CPNE4: variants seen among roughly 807,000 people sequenced by gnomAD.
The protein encoded by CPNE4 is copine-4.
A neutral mutation model predicts 67.9 loss-of-function variants in CPNE4; 25 were observed. The ratio of observed to expected loss-of-function variants is 0.37; its 90% CI spans 0.27 to 0.51. The LOEUF (loss-of-function observed/expected upper bound fraction) is 0.51, where lower values mean the gene tolerates loss of function less well. Ranked by LOEUF, CPNE4 falls within the 20% of genes least tolerant of loss-of-function variation. CPNE4 has a pLI of 0.93. For synonymous variants in CPNE4, 242 were observed against 244.9 expected (o/e 0.99, Z 0.11); for missense variants, 464 against 690.8 (o/e 0.67, Z 3.68).
chr3:131,802,000 T>C (rs962517546), intron 2 of CPNE4, among the ~76,000 whole-genome samples: 1 of 151,106 alleles, frequency 6.6e-6, no homozygotes, highest in Non-Finnish European at 1.5e-5. Flanking sequence ...GTGGGGGAAG[T>C]TCAGGGGAAA....
chr3:131,872,391 T>C (rs2087254020), intron 2 of CPNE4, among the ~76,000 whole-genome samples: 1 of 152,090 alleles, frequency 6.6e-6, no homozygotes, highest in Non-Finnish European at 1.5e-5. Context: ...GGACTCAATG[T>C]TTCAGTTCAA....
intron 2 of CPNE4, among the ~76,000 whole-genome samples, chr3:131,809,746 A>G: frequency 6.6e-6 from 1 of 152,168 alleles, no homozygotes. Flanking sequence ...CTGATAGGTT[A>G]TTGTAGAGAT....
At chr3:131,958,100 T>G (rs2072030539) in intron 1 of CPNE4, among the ~76,000 whole-genome samples, 1 of 152,222 alleles carries the variant, frequency 6.6e-6, no homozygotes, top group African/African-American at 2.4e-5. Context: ...GTCCTGGCAG[T>G]GTAATGTAAT....
chr3:131,800,167 T>C (rs1351738228), intron 2 of CPNE4, among the ~76,000 whole-genome samples: 1 of 152,098 alleles, frequency 6.6e-6, no homozygotes, highest in Non-Finnish European at 1.5e-5. Flanking sequence ...TCTCAGTGTT[T>C]ATTGTTGCCA....
intron 5 of CPNE4, among the ~76,000 whole-genome samples, chr3:131,689,775 C>T (rs1560120191): frequency 6.6e-6 from 1 of 152,156 alleles, no homozygotes; most frequent in Non-Finnish European, 1.5e-5. Context: ...GTCAAATTGT[C>T]TCTCTTTGCC....
chr3:131,965,359 A>C lies in CPNE4; in HGVS notation c.-1-59915T>G, dbSNP rs559226855. On this transcript the variant is annotated intron_variant, in intron 1 of 15. Transcript: ENST00000429747. ...AGCTAGTATCATGATGACAAGATCA[A>C]ATTCACACATAACAATATTAACCTT... Among the ~76,000 whole-genome samples, 19 of 152,352 alleles carry C rather than the reference A, an allele frequency of 1.2e-4. No homozygotes were observed. The South Asian group carries it at 3.9e-3, about 32-fold the overall frequency.
intron 6 of CPNE4, among the ~76,000 whole-genome samples, chr3:131,684,958 A>T (rs941744720): frequency 6.6e-6 from 1 of 152,168 alleles, no homozygotes; most frequent in Non-Finnish European, 1.5e-5. Flanking sequence ...ATACAACTAG[A>T]CTAAGTGGCT....
intron 7 of CPNE4, among the ~76,000 whole-genome samples, chr3:131,616,814 TGA>T (rs1325971905): frequency 6.6e-6 from 1 of 151,868 alleles, no homozygotes; most frequent in East Asian, 1.9e-4. Context: ...AGGTATAGAG[TGA>T]GAGTCAAAGA....
intron 7 of CPNE4, among the ~76,000 whole-genome samples, chr3:131,620,136 C>T (rs1242109288): frequency 6.6e-6 from 1 of 152,164 alleles, no homozygotes; most frequent in Non-Finnish European, 1.5e-5. Flanking sequence ...TAGTGTGCTG[C>T]TCTGGTTGCA....
chr3:131,544,701 GA>G (rs1217866225), intron 14 of CPNE4, among the ~76,000 whole-genome samples: 1 of 152,182 alleles, frequency 6.6e-6, no homozygotes, highest in Non-Finnish European at 1.5e-5. Context: ...GTGGTTTGGG[GA>G]TGGAGGGAAG....
chr3:131,702,851 T>C (rs1181298906), intron 3 of CPNE4, among the ~76,000 whole-genome samples: 1 of 152,240 alleles, frequency 6.6e-6, no homozygotes, highest in Non-Finnish European at 1.5e-5. Context: ...TTTTGCCTTT[T>C]GCAAATGCTA....
intron 7 of CPNE4, among the ~76,000 whole-genome samples, chr3:131,645,611 A>G (rs1301029726): frequency 6.6e-6 from 1 of 152,222 alleles, no homozygotes; most frequent in African/African-American, 2.4e-5. Context: ...AGTTTCAAAT[A>G]CAGAGTTTTG....
At chr3:131,650,744 C>CAAAAAAAAAAAAAAAAAAA (rs141219633) in intron 7 of CPNE4, among the ~76,000 whole-genome samples, 4 of 61,196 alleles carry the variant, frequency 6.5e-5, no homozygotes, top group Admixed American at 2.7e-4. Context: ...GACTCCGTCT[C>CAAAAAAAAAAAAAAAAAAA]AAAAAAAAAA....
intron 7 of CPNE4, among the ~76,000 whole-genome samples, chr3:131,659,921 G>A (rs934092708): frequency 1.3e-5 from 2 of 152,130 alleles, no homozygotes; most frequent in African/African-American, 2.4e-5. Context: ...CAAGGAGCAG[G>A]TTCAAAGTCA....
At chr3:131,948,167 C>T (rs1437923133) in intron 1 of CPNE4, among the ~76,000 whole-genome samples, 1 of 151,904 alleles carries the variant, frequency 6.6e-6, no homozygotes, top group Non-Finnish European at 1.5e-5. Flanking sequence ...CTCTGTGTCC[C>T]CACCCAGATC....
chr3:131,900,927 A>G (rs980648823), intron 2 of CPNE4, among the ~76,000 whole-genome samples: 3 of 152,136 alleles, frequency 2.0e-5, no homozygotes, highest in African/African-American at 7.2e-5. Flanking sequence ...AGAATTACTT[A>G]GAGCTTCCAA....
intron 1 of CPNE4, among the ~76,000 whole-genome samples, chr3:132,019,668 A>T (rs2107687338): frequency 1.3e-5 from 2 of 152,340 alleles, no homozygotes; most frequent in South Asian, 4.1e-4. Context: ...TGACCCAATG[A>T]TGCCACTTTA....
chr3:131,868,850 T>C (rs1451555233), intron 2 of CPNE4, among the ~76,000 whole-genome samples: 4 of 152,156 alleles, frequency 2.6e-5, no homozygotes, highest in African/African-American at 9.7e-5. Context: ...AACATTCCTA[T>C]GACAAATTAG....
At chr3:131,716,708 A>G (rs968747276) in intron 3 of CPNE4, among the ~76,000 whole-genome samples, 4 of 152,200 alleles carry the variant, frequency 2.6e-5, no homozygotes, top group African/African-American at 9.7e-5. Context: ...GGGCTCTGTT[A>G]AGCATTTTAT....
Sources: allele counts gnomAD v4.1 joint callset (sites outside exome capture counted in the v4.1 genomes callset), GRCh38; gene constraint gnomAD v4.1.1; transcripts MANE v1.5; gene names NCBI Gene and HGNC (gene_info 2026-07-23, HGNC 2026-07-21).